The following UBXN2A variants were observed in gnomAD, a reference collection of about 807,000 sequenced individuals.
UBXN2A encodes the protein UBX domain protein 2A, also known as UBX domain-containing protein 2A.
A neutral mutation model predicts 28.4 loss-of-function variants in UBXN2A; 28 were observed. The ratio of observed to expected loss-of-function variants is 0.99; its 90% confidence interval spans 0.73 to 1.35. The LOEUF (loss-of-function observed/expected upper bound fraction) is 1.35, where lower values mean the gene tolerates loss of function less well. UBXN2A is among the 40% of genes most tolerant of loss of function. The pLI, the probability that UBXN2A is intolerant of heterozygous loss-of-function variation, is 0.00. For synonymous variants in UBXN2A, 97 were observed against 103.6 expected (o/e 0.94, Z 0.39); for missense variants, 253 against 297.9 (o/e 0.85, Z 1.11).
Position 24,001,113 on chromosome 2 carries a change from C to G in UBXN2A, c.*1246C>G, listed in dbSNP as rs1708717990. 6.6e-6 allele frequency: 1 copy of G among 152,266 alleles called. No individual in the cohort carries two copies. The highest frequency in any genetic ancestry group is 2.1e-4 in the South Asian group (1 of 4,830). 9.4% of individuals were successfully genotyped at this position (152,266 alleles called of 1,614,324 possible). A position where few individuals can be genotyped will look rare whatever the true frequency, so the allele number is the denominator to read the frequency against. On this transcript the variant is annotated 3_prime_UTR_variant, in exon 7 of 7. Transcript: ENST00000309033. ...TTCAAGAGATTCTCCTGCTCAGCCT[C>G]CCAAGTAGCTGGGATTACAGGCATG...
rs565471840 is a variant in UBXN2A at position 23,967,479 on chromosome 2, T to TA, written c.42-3796dup. 1.1e-4 allele frequency among the ~76,000 whole-genome samples: 16 copies of TA among 152,348 alleles called. No homozygotes were observed. In the South Asian group the frequency reaches 2.9e-3, roughly 28 times the overall value. On this transcript the variant is annotated intron_variant, in intron 2 of 6. Transcript: ENST00000309033. ...GTGTGCCAGTATGTATACTGATACT[T>TA]ACTATATACCATGTTTAGGCTTTTA...
At chr2:23,983,487 A>G (rs898599385) in intron 5 of UBXN2A, among the ~76,000 whole-genome samples, 1 of 152,124 alleles carries the variant, frequency 6.6e-6, no homozygotes, top group Non-Finnish European at 1.5e-5. Flanking sequence ...AGTCTGGGCA[A>G]CAAGAGTGAA....
chr2:23,935,113 T>G (rs919552665), intron 1 of UBXN2A, among the ~76,000 whole-genome samples: 6 of 152,150 alleles, frequency 3.9e-5, no homozygotes, highest in Middle Eastern at 6.8e-3. Context: ...CACCTAAATG[T>G]CAGAGCTAAA....
At position 23,999,974 on chromosome 2, in the gene UBXN2A, G is replaced by C. The variant is rs762902922; in HGVS notation, c.*107G>C. 6 of 1,069,290 alleles carry C rather than the reference G, an allele frequency of 5.6e-6. No individual in the cohort carries two copies. The highest frequency in any genetic ancestry group is 8.1e-6 in the Non-Finnish European group (6 of 736,660). 66.2% of individuals were successfully genotyped at this position (1,069,290 alleles called of 1,614,324 possible). ...GTCAGACTCACTAGACTTTTGGTTC[G>C]AGTACTATTGAACTCTCTCCTGATG... On this transcript the variant is annotated 3_prime_UTR_variant, in exon 7 of 7. Transcript: ENST00000309033.
chr2:23,953,029 A>G (rs973519001), intron 1 of UBXN2A, among the ~76,000 whole-genome samples: 1 of 150,674 alleles, frequency 6.6e-6, no homozygotes. Context: ...CATAGTCATT[A>G]GTTTAAATGT....
chr2:23,952,952 T>G (rs1706446169), intron 1 of UBXN2A, among the ~76,000 whole-genome samples: 1 of 130,206 alleles, frequency 7.7e-6, no homozygotes, highest in Non-Finnish European at 1.6e-5. Context: ...AAATGTCATA[T>G]GAAGCTCTTA....
At chr2:23,938,616 C>T (rs924071603), upstream of UBXN2A, among the ~76,000 whole-genome samples, 6 of 148,148 alleles carry the variant, frequency 4.1e-5, no homozygotes, top group South Asian at 2.2e-4. Context: ...GAACTGCAAG[C>T]GACAAAACAA....
In UBXN2A at chr2:24,003,418, A is replaced by G. The variant is rs1708752801; in HGVS notation, c.*3551A>G. 1 of 152,130 alleles carries G rather than the reference A, an allele frequency of 6.6e-6. No individual in the cohort carries two copies. Among genetic ancestry groups the G allele is most frequent in the Admixed American group, 6.6e-5 (1 of 15,254 alleles). 9.4% of individuals were successfully genotyped at this position (152,130 alleles called of 1,614,324 possible). On this transcript the variant is annotated 3_prime_UTR_variant, in exon 7 of 7. Transcript: ENST00000309033. ...CGAGACAAGGCTGGAACATTTAATTAAGGTTTTTACTAAGGACTCAGGAAT... is the reference window on the plus strand; with the variant it reads ...CGAGACAAGGCTGGAACATTTAATTGAGGTTTTTACTAAGGACTCAGGAAT...
intron 4 of UBXN2A, among the ~76,000 whole-genome samples, chr2:23,977,689 TTG>T (rs1707730546): frequency 6.6e-6 from 1 of 152,212 alleles, no homozygotes; most frequent in Admixed American, 6.6e-5. Context: ...TGAGTAATCT[TTG>T]TAATCAGAAG....
At chr2:23,980,520 C>T (rs898096373) in intron 4 of UBXN2A, among the ~76,000 whole-genome samples, 5 of 152,154 alleles carry the variant, frequency 3.3e-5, no homozygotes, top group African/African-American at 1.2e-4. Context: ...ATTTACATTT[C>T]TCTAATGACC....
intron 1 of UBXN2A, among the ~76,000 whole-genome samples, chr2:23,933,420 C>T (rs7589939): frequency 0.022 from 3,295 of 151,872 alleles, 127 homozygotes; most frequent in African/African-American, 0.075. Context: ...GCAGGAGAAT[C>T]GCTTGAACCC....
At chr2:23,990,417 C>G (rs940138336) in intron 6 of UBXN2A, among the ~76,000 whole-genome samples, 1 of 151,204 alleles carries the variant, frequency 6.6e-6, no homozygotes, top group Non-Finnish European at 1.5e-5. Context: ...TAAACTTGGA[C>G]TGTTACCCAT....
rs1708763886 is a variant in UBXN2A, at chr2:24,004,343, G to A, written c.*4476G>A. 1 of 152,152 alleles carries A rather than the reference G, an allele frequency of 6.6e-6. No individual in the cohort carries two copies. Among genetic ancestry groups the A allele is most frequent in the Non-Finnish European group, 1.5e-5 (1 of 68,036 alleles). The allele number at this position is 152,152 out of a possible 1,614,324, so 9.4% of individuals were successfully genotyped here. On this transcript the variant is annotated 3_prime_UTR_variant, in exon 7 of 7. Transcript: ENST00000309033. ...TGTCTTCAGTTTCTTGAAAATAATT[G>A]TTAGGGCTGATATATAGAAATACAT... is the stretch of plus-strand genomic sequence containing the variant.
At chr2:23,945,926 G>T (rs1297686042) in intron 1 of UBXN2A, among the ~76,000 whole-genome samples, 1 of 151,366 alleles carries the variant, frequency 6.6e-6, no homozygotes, top group African/African-American at 2.4e-5. Context: ...TGCCTCCCAG[G>T]TTCAAGCAAT....
At chr2:23,941,410 A>C (rs2150795523) in intron 1 of UBXN2A, among the ~76,000 whole-genome samples, 1 of 152,326 alleles carries the variant, frequency 6.6e-6, no homozygotes, top group East Asian at 1.9e-4. Flanking sequence ...AGGCAATTAA[A>C]TTCAGTGAAT....
chr2:23,983,916 T>A (rs1449338211), intron 5 of UBXN2A, among the ~76,000 whole-genome samples: 1 of 152,198 alleles, frequency 6.6e-6, no homozygotes, highest in Non-Finnish European at 1.5e-5. Context: ...CCGCAGGTGA[T>A]CCACCCACCT....
chr2:24,001,773 C>G lies in UBXN2A; in HGVS notation c.*1906C>G, dbSNP rs931169443. The G allele has an allele frequency of 6.6e-6, 1 of 150,822 alleles. No individual in the cohort carries two copies. Among genetic ancestry groups the G allele is most frequent in the African/African-American group, 2.4e-5 (1 of 40,966 alleles). 9.3% of individuals were successfully genotyped at this position (150,822 alleles called of 1,614,324 possible). A position where few individuals can be genotyped will look rare whatever the true frequency, so the allele number is the denominator to read the frequency against. On this transcript the variant is annotated 3_prime_UTR_variant, in exon 7 of 7. Coordinates refer to ENST00000309033, the MANE Select transcript of UBXN2A (RefSeq NM_181713.4). Reference sequence around the variant, plus strand: ...AAGTGATTGAGACCATCCTGTCCAACATGGTGAATCCCCGTCTCTACTAAA... The same window carrying G: ...AAGTGATTGAGACCATCCTGTCCAAGATGGTGAATCCCCGTCTCTACTAAA...
chr2:23,942,582 C>A (rs1705821487), intron 1 of UBXN2A, among the ~76,000 whole-genome samples: 2 of 151,508 alleles, frequency 1.3e-5, no homozygotes, highest in African/African-American at 4.9e-5. Context: ...CCATGCCCGG[C>A]TAATTTTTGT....
intron 1 of UBXN2A, among the ~76,000 whole-genome samples, chr2:23,948,626 A>G (rs1299029702): frequency 6.6e-6 from 1 of 152,152 alleles, no homozygotes; most frequent in Non-Finnish European, 1.5e-5. Flanking sequence ...TATTCTTAGT[A>G]TCTTCAGTCC....
Sources: gnomAD v4.1 joint callset for allele counts (sites outside exome capture counted in the v4.1 genomes callset) on GRCh38, gnomAD v4.1.1 for gene constraint, MANE v1.5 for transcripts, NCBI Gene and HGNC (gene_info 2026-07-23, HGNC 2026-07-21) for gene names.